FGF14: variants seen among roughly 807,000 people sequenced by gnomAD.
The protein encoded by FGF14 is fibroblast growth factor 14.
FGF14 carries 5 observed loss-of-function variants against 25.5 expected under a neutral mutation model. The observed-to-expected ratio is 0.20, with a 90% CI of 0.10 to 0.41. The LOEUF (loss-of-function observed/expected upper bound fraction) is 0.41. Among genes scored for constraint, FGF14 ranks in the 10% least tolerant of loss-of-function variants. The pLI is 1.00. For missense variants in FGF14, 222 were observed against 320.1 expected (o/e 0.69, Z 2.34); for synonymous variants, 138 against 118.3 (o/e 1.17, Z -1.08).
At chr13:102,316,269 T>C (rs2056016674) in intron 1 of FGF14, among the ~76,000 whole-genome samples, 1 of 152,170 alleles carries the variant, frequency 6.6e-6, no homozygotes, top group Non-Finnish European at 1.5e-5. Context: ...TTACATACAA[T>C]CAGTTGTGGG....
chr13:102,318,481 T>C (rs901792075), intron 1 of FGF14, among the ~76,000 whole-genome samples: 16 of 152,198 alleles, frequency 1.1e-4, no homozygotes, highest in Non-Finnish European at 1.8e-4. Flanking sequence ...GTGGACTCTT[T>C]CTGAGAACTG....
intron 3 of FGF14, among the ~76,000 whole-genome samples, chr13:101,858,632 T>C (rs758055551): frequency 3.4e-4 from 51 of 152,102 alleles, no homozygotes; most frequent in Non-Finnish European, 6.9e-4. Flanking sequence ...TTGAAACATT[T>C]TGATCAATAT....
At chr13:102,065,598 G>T (rs2042870222) in intron 1 of FGF14, among the ~76,000 whole-genome samples, 1 of 152,000 alleles carries the variant, frequency 6.6e-6, no homozygotes. Flanking sequence ...TTAAAATTAA[G>T]GCATTTTCTA....
chr13:102,386,133 AT>A (rs771550582), intron 1 of FGF14, among the ~76,000 whole-genome samples: 5,610 of 139,300 alleles, frequency 0.04, 87 homozygotes, highest in African/African-American at 0.064. Flanking sequence ...ATATACAGTA[AT>A]TTTTTTTTTT....
intron 1 of FGF14, among the ~76,000 whole-genome samples, chr13:102,137,332 T>C (rs906662753): frequency 3.3e-5 from 5 of 152,232 alleles, no homozygotes; most frequent in African/African-American, 1.2e-4. Context: ...TGCAAACTTA[T>C]CTCATAGAGA....
At position 102,256,497 on chromosome 13, in the gene FGF14, C is replaced by CA. The variant is rs947506190; in HGVS notation, c.208+144973dup. Among the ~76,000 whole-genome samples, 51 of 151,444 alleles carry CA rather than the reference C, an allele frequency of 3.4e-4. 1 individual carries two copies. Among genetic ancestry groups the CA allele is most frequent in the Admixed American group, 1.8e-3 (28 of 15,206 alleles). On this transcript the variant is annotated intron_variant, in intron 1 of 4. Coordinates refer to the FGF14 transcript ENST00000376131. ...TGGGTGACAGAGCGAGACCCTGTCTCAAAAAAAAGGAAGAAAAAAGTAGCT... is the reference window on the plus strand; with the variant it reads ...TGGGTGACAGAGCGAGACCCTGTCTCAAAAAAAAAGGAAGAAAAAAGTAGCT...
chr13:101,935,542 G>A (rs2035044314), intron 1 of FGF14, among the ~76,000 whole-genome samples: 1 of 152,152 alleles, frequency 6.6e-6, no homozygotes, highest in Non-Finnish European at 1.5e-5. Flanking sequence ...GAGATCTGAT[G>A]GTTTTATAAG....
At chr13:101,970,026 A>T (rs1410323923) in intron 1 of FGF14, among the ~76,000 whole-genome samples, 1 of 152,028 alleles carries the variant, frequency 6.6e-6, no homozygotes, top group African/African-American at 2.4e-5. Context: ...ATCTCTCTTG[A>T]TTGTCTTTTA....
intron 3 of FGF14, among the ~76,000 whole-genome samples, chr13:101,729,186 T>G (rs1198651823): frequency 6.6e-6 from 1 of 152,168 alleles, no homozygotes; most frequent in African/African-American, 2.4e-5. Context: ...TGCCTTCAGT[T>G]GCTTGTGATA....
chr13:102,048,066 A>G lies in FGF14; in HGVS notation c.209-172770T>C, dbSNP rs150295815. Among the ~76,000 whole-genome samples the G allele has an allele frequency of 3.7e-4, 56 of 151,664 alleles. 1 individual carries two copies. The East Asian group carries it at 9.7e-3, about 26-fold the overall frequency. On this transcript the variant is annotated intron_variant, in intron 1 of 4. Transcript: ENST00000376131. Reference sequence around the variant, plus strand: ...GATATAAACTTTTCATATTTAACTGAAGTTTACTCTGAAGAGATTAAAAGA... The same window carrying G: ...GATATAAACTTTTCATATTTAACTGGAGTTTACTCTGAAGAGATTAAAAGA...
intron 1 of FGF14, among the ~76,000 whole-genome samples, chr13:102,061,784 G>A (rs1410358792): frequency 2.0e-5 from 3 of 152,158 alleles, no homozygotes; most frequent in Non-Finnish European, 4.4e-5. Context: ...ATTTGTTCTT[G>A]GAACCAAGCA....
chr13:101,884,767 C>T (rs940800870), intron 1 of FGF14, among the ~76,000 whole-genome samples: 1 of 151,922 alleles, frequency 6.6e-6, no homozygotes, highest in African/African-American at 2.4e-5. Flanking sequence ...AAAAGCATAC[C>T]TTATTTAAAC....
chr13:102,001,824 CAGAG>C (rs2039512319), intron 1 of FGF14, among the ~76,000 whole-genome samples: 1 of 152,186 alleles, frequency 6.6e-6, no homozygotes, highest in African/African-American at 2.4e-5. Flanking sequence ...GCAAGAAAAC[CAGAG>C]AAAGAGAAGA....
intron 3 of FGF14, among the ~76,000 whole-genome samples, chr13:101,815,517 G>C (rs1173274409): frequency 6.6e-6 from 1 of 152,122 alleles, no homozygotes; most frequent in Non-Finnish European, 1.5e-5. Context: ...AAGAAGCACT[G>C]AAAACAAGAG....
Position 102,274,901 on chromosome 13 carries a change from A to AT in FGF14, c.208+126569dup, listed in dbSNP as rs1271781946. ...TTTACTCGTCATTATTTAATAAATAATAAATAATTATTTATTAAATAATGA... is the reference window on the plus strand; with the variant it reads ...TTTACTCGTCATTATTTAATAAATAATTAAATAATTATTTATTAAATAATGA... On this transcript the variant is annotated intron_variant, in intron 1 of 4. Coordinates refer to the FGF14 transcript ENST00000376131. Among the ~76,000 whole-genome samples the AT allele has an allele frequency of 5.2e-4, 79 of 150,882 alleles. No homozygotes were observed. In the Middle Eastern group the frequency reaches 0.017, roughly 33 times the overall value.
At chr13:102,214,650 G>A (rs996039641) in intron 1 of FGF14, among the ~76,000 whole-genome samples, 7 of 151,872 alleles carry the variant, frequency 4.6e-5, no homozygotes, top group Non-Finnish European at 7.4e-5. Context: ...CTCTCACTGT[G>A]TTGTTAAGTT....
intron 1 of FGF14, among the ~76,000 whole-genome samples, chr13:102,114,431 ATTTTTG>A (rs2045370749): frequency 6.6e-6 from 1 of 152,072 alleles, no homozygotes; most frequent in African/African-American, 2.4e-5. Flanking sequence ...CCCACGGTTT[ATTTTTG>A]TTTTTGTTAC....
intron 1 of FGF14, among the ~76,000 whole-genome samples, chr13:102,195,183 ACCAG>A (rs2049295605): frequency 6.6e-6 from 1 of 152,206 alleles, no homozygotes; most frequent in African/African-American, 2.4e-5. Flanking sequence ...TATTAACAGC[ACCAG>A]TAGACGTAAC....
chr13:102,347,413 CA>C (rs2057141496), intron 1 of FGF14, among the ~76,000 whole-genome samples: 1 of 152,070 alleles, frequency 6.6e-6, no homozygotes, highest in African/African-American at 2.4e-5. Context: ...ATCGGTGTCA[CA>C]GAAGACCCCC....
Sources: allele counts gnomAD v4.1 joint callset (sites outside exome capture counted in the v4.1 genomes callset), GRCh38; gene constraint gnomAD v4.1.1; transcripts MANE v1.5; gene names NCBI Gene and HGNC (gene_info 2026-07-23, HGNC 2026-07-21).